Variants in ARHGEF26 observed in about 807,000 individuals in gnomAD.
ARHGEF26 encodes Rho guanine nucleotide exchange factor 26, also known as Rho guanine nucleotide exchange factor (GEF) 26.
A neutral mutation model predicts 89.4 loss-of-function variants in ARHGEF26; 59 were observed. That is an observed-to-expected ratio of 0.66 (90% CI 0.54 to 0.82). The LOEUF (loss-of-function observed/expected upper bound fraction) is 0.82. ARHGEF26 is among the 40% of genes least tolerant of loss of function. The pLI is 0.00. For missense variants in ARHGEF26, 1,234 were observed against 1,085.6 expected, an observed-to-expected ratio of 1.14 and a Z score of -1.92; for synonymous variants, 500 against 428.4, an observed-to-expected ratio of 1.17 and a Z score of -2.06.
Position 154,187,814 on chromosome 3 carries a change from A to G in ARHGEF26, c.1617A>G (p.Gln539=). The part of the protein sequence containing the change: ...YVKYCTNEVY[Q]QRTLQKLLAT... ...AATACTGCACAAATGAAGTCTACCAACAACGAACACTACAAAAATTGTTGT... is the reference window on the plus strand; with the variant it reads ...AATACTGCACAAATGAAGTCTACCAGCAACGAACACTACAAAAATTGTTGT... Residue 539 remains glutamine, a synonymous_variant, in exon 7 of 15, where the codon CAA becomes CAG. Transcript: ENST00000465093. 6.2e-7 allele frequency: 1 copy of G among 1,609,738 alleles called. No individual in the cohort carries two copies. Among genetic ancestry groups the G allele is most frequent in the Admixed American group, 1.7e-5 (1 of 59,718 alleles).
chr3:154,216,666 C>T (rs1367866178), intron 9 of ARHGEF26, among the ~76,000 whole-genome samples: 2 of 106,880 alleles, frequency 1.9e-5, no homozygotes, highest in African/African-American at 3.9e-5. Flanking sequence ...GTATATCTCC[C>T]AATGCTATCC....
chr3:154,195,498 A>G (rs1335000972), intron 9 of ARHGEF26, among the ~76,000 whole-genome samples: 6 of 152,176 alleles, frequency 3.9e-5, no homozygotes. Flanking sequence ...CCCTATTGAC[A>G]TGATGGTAAG....
At chr3:154,142,029 T>G (rs959725882) in intron 4 of ARHGEF26, among the ~76,000 whole-genome samples, 1 of 152,120 alleles carries the variant, frequency 6.6e-6, no homozygotes, top group Non-Finnish European at 1.5e-5. Context: ...ATGAAATGTC[T>G]GAATGATATT....
chr3:154,183,118 G>C (rs1042997867), intron 6 of ARHGEF26, among the ~76,000 whole-genome samples: 1 of 152,132 alleles, frequency 6.6e-6, no homozygotes, highest in African/African-American at 2.4e-5. Flanking sequence ...AGCTCACCTT[G>C]GCAGACTACA....
chr3:154,143,963 A>G (rs927702958), intron 4 of ARHGEF26, among the ~76,000 whole-genome samples: 1 of 152,228 alleles, frequency 6.6e-6, no homozygotes, highest in Admixed American at 6.5e-5. Context: ...AGTAGCCCAC[A>G]GCGGGAAATG....
intron 4 of ARHGEF26, among the ~76,000 whole-genome samples, chr3:154,135,078 G>A (rs778396414): frequency 1.5e-4 from 23 of 152,094 alleles, no homozygotes; most frequent in Non-Finnish European, 2.8e-4. Context: ...TTTAGTATCA[G>A]GATGATGCTG....
At chr3:154,202,933 G>A (rs1714745022) in intron 9 of ARHGEF26, among the ~76,000 whole-genome samples, 1 of 152,146 alleles carries the variant, frequency 6.6e-6, no homozygotes, top group African/African-American at 2.4e-5. Flanking sequence ...ATACAATCAT[G>A]TCATCTGCAA....
At chr3:154,157,896 G>A (rs1391951787) in intron 6 of ARHGEF26, among the ~76,000 whole-genome samples, 1 of 152,148 alleles carries the variant, frequency 6.6e-6, no homozygotes, top group Admixed American at 6.5e-5. Flanking sequence ...AAAATCTTCA[G>A]TAGGGATGTC....
At chr3:154,190,275 G>T (rs1293227486) in intron 7 of ARHGEF26, among the ~76,000 whole-genome samples, 1 of 152,146 alleles carries the variant, frequency 6.6e-6, no homozygotes, top group Non-Finnish European at 1.5e-5. Flanking sequence ...ACTTTGGGAG[G>T]CCGAGGCAGG....
At chr3:154,129,200 T>TA (rs1002600762) in intron 3 of ARHGEF26, among the ~76,000 whole-genome samples, 7 of 152,188 alleles carry the variant, frequency 4.6e-5, no homozygotes, top group Non-Finnish European at 2.9e-5. Flanking sequence ...ACGTCATAGA[T>TA]ACACAATAAA....
intron 12 of ARHGEF26, among the ~76,000 whole-genome samples, chr3:154,240,927 G>C (rs563789721): frequency 1.3e-5 from 2 of 152,224 alleles, no homozygotes; most frequent in South Asian, 4.1e-4. Context: ...CTGGTATTTT[G>C]AGTCTAGGCC....
chr3:154,225,746 C>T, intron 10 of ARHGEF26, 110 bp from the exon 11 acceptor site: 2 of 1,150,064 alleles, frequency 1.7e-6, no homozygotes, highest in South Asian at 1.8e-5. Flanking sequence ...AACAATGATG[C>T]ATACTATGAT....
At chr3:154,147,053 G>A (rs1362415639) in intron 4 of ARHGEF26, among the ~76,000 whole-genome samples, 2 of 152,204 alleles carry the variant, frequency 1.3e-5, no homozygotes, top group Admixed American at 1.3e-4. Flanking sequence ...AAGGAGTGTT[G>A]CTTTGGCTGT....
At chr3:154,217,022 T>A (rs1417638486) in intron 9 of ARHGEF26, among the ~76,000 whole-genome samples, 2 of 144,678 alleles carry the variant, frequency 1.4e-5, no homozygotes, top group Non-Finnish European at 3.0e-5. Flanking sequence ...TATAGCAGCA[T>A]GATTTATAGT....
chr3:154,131,637 GA>G (rs1248882381), intron 4 of ARHGEF26, among the ~76,000 whole-genome samples: 1 of 152,194 alleles, frequency 6.6e-6, no homozygotes, highest in Non-Finnish European at 1.5e-5. Flanking sequence ...TCCAGGAGAA[GA>G]AAGAAGGCTG....
intron 6 of ARHGEF26, among the ~76,000 whole-genome samples, chr3:154,162,888 A>G (rs1211424406): frequency 2.0e-5 from 3 of 152,222 alleles, no homozygotes; most frequent in Non-Finnish European, 4.4e-5. Context: ...TGATAATCAT[A>G]CAAATGCACT....
chr3:154,226,529 G>A (rs1716496838), intron 11 of ARHGEF26, among the ~76,000 whole-genome samples: 1 of 152,152 alleles, frequency 6.6e-6, no homozygotes, highest in Admixed American at 6.5e-5. Flanking sequence ...TCATTTGATT[G>A]GCAGAGTGTT....
At chr3:154,133,980 C>G (rs1437267113) in intron 4 of ARHGEF26, among the ~76,000 whole-genome samples, 1 of 152,066 alleles carries the variant, frequency 6.6e-6, no homozygotes, top group African/African-American at 2.4e-5. Flanking sequence ...TGTTCCTGAT[C>G]TGGCTCTTGG....
At chr3:154,231,591 TCTC>T (rs1716825993) in intron 11 of ARHGEF26, among the ~76,000 whole-genome samples, 1 of 132,704 alleles carries the variant, frequency 7.5e-6, no homozygotes, top group South Asian at 2.5e-4. Context: ...GGTATTGTGT[TCTC>T]TCTCTAAAGA....
Sources: gnomAD v4.1 joint callset for allele counts (sites outside exome capture counted in the v4.1 genomes callset) on GRCh38, gnomAD v4.1.1 for gene constraint, MANE v1.5 for transcripts, NCBI Gene and HGNC (gene_info 2026-07-23, HGNC 2026-07-21) for gene names.